The following ZNF160 variants were observed in gnomAD, a reference collection of about 807,000 sequenced individuals.
ZNF160 encodes the protein zinc finger protein 160.
ZNF160 carries 9 observed loss-of-function variants against 13.1 expected under a neutral mutation model. That is an observed-to-expected ratio of 0.69 (90% CI 0.41 to 1.20). The LOEUF is 1.20. Among genes scored for constraint, ZNF160 ranks in the 50% most tolerant of loss-of-function variants. ZNF160 has a pLI of 0.01. For missense variants in ZNF160, 838 were observed against 988.0 expected (o/e 0.85, Z 2.04); for synonymous variants, 293 against 333.2 (o/e 0.88, Z 1.31).
chr19:53,077,872 T>C (rs755481369), intron 3 of ZNF160, among the ~76,000 whole-genome samples: 1 of 151,622 alleles, frequency 6.6e-6, no homozygotes, highest in Non-Finnish European at 1.5e-5. Context: ...ACAATAAATA[T>C]GAGATTATCA....
At position 53,069,593 on chromosome 19, in the gene ZNF160, T is replaced by C. The variant is rs776411350; in HGVS notation, c.941A>G (p.Lys314Arg). The change falls in exon 6 of 6, where the codon AAA (lysine) becomes AGA (arginine). Residue 314 changes from lysine (K) to arginine (R), a missense_variant. This residue lies in a region of ZNF160 where 387 missense variants were observed against 402.3 expected (regional missense o/e 0.96). Coordinates refer to ENST00000683776, the MANE Select transcript of ZNF160 (RefSeq NM_001322131.2). This position sits in a 1 kb window ranked among gnomAD's most constrained non-coding sequence, Gnocchi z 4.4. Reference protein sequence around the residue: ...QVIHTGEKPYKCHECGKVFRH... With the variant: ...QVIHTGEKPYRCHECGKVFRH... The stretch of plus-strand genomic sequence containing the variant: ...GAAGACCTTGCCACACTCATGACAT[T>C]TGTAAGGTTTTTCTCCAGTATGGAT... 7 of 1,614,044 alleles carry C rather than the reference T, an allele frequency of 4.3e-6. No homozygotes were observed. In the East Asian group the frequency reaches 1.1e-4, roughly 26 times the overall value.
intron 2 of ZNF160, 40 bp from the exon 3 acceptor site, chr19:53,086,361 A>G: frequency 6.7e-7 from 1 of 1,503,660 alleles, no homozygotes; most frequent in Non-Finnish European, 8.9e-7. Context: ...TCAATACTGA[A>G]TATCCAAAAT....
At chr19:53,086,631 C>G (rs1477613382) in intron 2 of ZNF160, among the ~76,000 whole-genome samples, 2 of 152,112 alleles carry the variant, frequency 1.3e-5, no homozygotes, top group African/African-American at 2.4e-5. Context: ...CCAGCCCTGA[C>G]CAAACCCCAT....
chr19:53,072,799 C>T (rs2584266), intron 5 of ZNF160: 14 of 307,806 alleles, frequency 4.5e-5, no homozygotes, highest in South Asian at 2.6e-4. Flanking sequence ...TGCGGTGAGC[C>T]GAGATCGCAC....
At chr19:53,086,354 A>G in intron 2 of ZNF160, 33 bp from the exon 3 acceptor site, 1 of 1,521,658 alleles carries the variant, frequency 6.6e-7, no homozygotes, top group Non-Finnish European at 8.8e-7. Context: ...TTAGAAGTCA[A>G]TACTGAATAT....
chr19:53,081,141 C>G (rs1252220785), intron 3 of ZNF160, among the ~76,000 whole-genome samples: 1 of 152,110 alleles, frequency 6.6e-6, no homozygotes, highest in Non-Finnish European at 1.5e-5. Flanking sequence ...AGGAAATACT[C>G]TTCTAAGACT....
rs754889968 is a variant in ZNF160, at chr19:53,091,641, G to C, written c.-274C>G. Reference sequence around the variant, plus strand: ...AGCTTTGGAGGAGAGACCTACCAGCGAGGCTGAAGCCACTCAGTGGGCTGG... The same window carrying C: ...AGCTTTGGAGGAGAGACCTACCAGCCAGGCTGAAGCCACTCAGTGGGCTGG... On this transcript the variant is annotated 5_prime_UTR_variant, in exon 2 of 6. Transcript: ENST00000683776. The C allele has an allele frequency of 6.6e-6, 1 of 152,232 alleles. No individual in the cohort carries two copies. The highest frequency in any genetic ancestry group is 6.5e-5 in the Admixed American group (1 of 15,292). The allele number at this position is 152,232 out of a possible 1,614,324, so 9.4% of individuals were successfully genotyped here.
chr19:53,078,903 C>G (rs1420255261), intron 3 of ZNF160, among the ~76,000 whole-genome samples: 2 of 151,426 alleles, frequency 1.3e-5, no homozygotes, highest in Non-Finnish European at 2.9e-5. Flanking sequence ...AATTCTCAAA[C>G]AATTCCAAAT....
chr19:53,087,335 T>C (rs543329021), intron 2 of ZNF160, among the ~76,000 whole-genome samples: 1 of 152,240 alleles, frequency 6.6e-6, no homozygotes, highest in East Asian at 1.9e-4. Flanking sequence ...AAAAAATTTA[T>C]GAAACCATGT....
chr19:53,069,792 G>A lies in ZNF160; in HGVS notation c.742C>T (p.Arg248Ter), dbSNP rs1568474768. ...LNHFSLLTQR[R>*]KANSCGKPYK... ...GGTTTTCCACAACTGTTTGCTTTTC[G>A]TCTTTGTGTGAGTAATGAAAAATGG... The change falls in exon 6 of 6, where the codon CGA becomes TGA. Residue 248 changes from arginine (R) to a stop codon, truncating the protein, a stop_gained. Coordinates refer to ENST00000683776, the MANE Select transcript of ZNF160 (RefSeq NM_001322131.2). LOFTEE classifies it low-confidence loss of function (END_TRUNC). The surrounding 1 kb of genome is among the most constrained non-coding windows in gnomAD (Gnocchi z 4.4). 4.3e-6 allele frequency: 7 copies of A among 1,613,978 alleles called. No individual in the cohort carries two copies. The highest frequency in any genetic ancestry group is 1.1e-5 in the South Asian group (1 of 91,074).
In ZNF160 at chr19:53,067,266, T is replaced by C. The variant is rs1024260634; in HGVS notation, c.*811A>G. ...TGTCCTAAGGTCTTGGCCTGCTCCA[T>C]TTCATGTTCAGTTGATAGACCATTT... On this transcript the variant is annotated 3_prime_UTR_variant, in exon 6 of 6. Transcript: ENST00000683776. 4.6e-5 allele frequency: 7 copies of C among 152,206 alleles called. No homozygotes were observed. Among genetic ancestry groups the C allele is most frequent in the African/African-American group, 1.7e-4 (7 of 41,454 alleles). The allele number at this position is 152,206 out of a possible 1,614,324, so 9.4% of individuals were successfully genotyped here.
At chr19:53,075,025 G>A (rs201517584) in intron 4 of ZNF160, 32 bp downstream of exon 4, 2 of 1,613,610 alleles carry the variant, frequency 1.2e-6, no homozygotes, top group East Asian at 4.5e-5. Context: ...GACAAGAACA[G>A]ATCTTGACTT....
chr19:53,076,696 C>G (rs1043492199), intron 3 of ZNF160, among the ~76,000 whole-genome samples: 1 of 152,022 alleles, frequency 6.6e-6, no homozygotes, highest in African/African-American at 2.4e-5. Flanking sequence ...GTAGGAAGTC[C>G]CAAGCACTAC....
intron 1 of ZNF160, among the ~76,000 whole-genome samples, chr19:53,099,813 A>G (rs1056785505): frequency 1.3e-5 from 2 of 152,172 alleles, no homozygotes; most frequent in African/African-American, 4.8e-5. Context: ...TTCACGTTGC[A>G]GGTGGATTTA....
intron 3 of ZNF160, among the ~76,000 whole-genome samples, chr19:53,080,900 C>A (rs1442185791): frequency 6.6e-5 from 10 of 151,988 alleles, no homozygotes; most frequent in South Asian, 2.1e-4. Flanking sequence ...AGAACAGAGA[C>A]CCCTAAAATA....
chr19:53,089,579 C>T (rs1169020990), intron 2 of ZNF160, among the ~76,000 whole-genome samples: 1 of 152,098 alleles, frequency 6.6e-6, no homozygotes, highest in Non-Finnish European at 1.5e-5. Context: ...ACCTCTGATG[C>T]CATAATTATA....
chr19:53,069,644 C>T lies in ZNF160; in HGVS notation c.890G>A (p.Arg297His), dbSNP rs145414197. 1.7e-5 allele frequency: 28 copies of T among 1,613,700 alleles called. No homozygotes were observed. Among genetic ancestry groups the T allele is most frequent in the Admixed American group, 6.7e-5 (4 of 59,994 alleles). The change falls in exon 6 of 6, where the codon CGT (arginine) becomes CAT (histidine). Residue 297 changes from arginine (R) to histidine (H), a missense_variant. By Grantham distance (29) the Arg-to-His change is conservative (BLOSUM62 0). Coordinates refer to ENST00000683776, the MANE Select transcript of ZNF160 (RefSeq NM_001322131.2). This position sits in a 1 kb window ranked among gnomAD's most constrained non-coding sequence, Gnocchi z 4.4. ...GACCTGATGAATAGTTAGATTTGAA[C>T]GAACAGTAAAGGTTTTGCCGCACTC... ...CSECGKTFTV[R>H]SNLTIHQVIH...
chr19:53,100,274 T>C (rs1349791503), intron 1 of ZNF160, among the ~76,000 whole-genome samples: 1 of 152,128 alleles, frequency 6.6e-6, no homozygotes, highest in Non-Finnish European at 1.5e-5. Context: ...AGTTCACAGG[T>C]CACTATTTTA....
chr19:53,075,485 C>G (rs2084352687), intron 3 of ZNF160: 1 of 363,586 alleles, frequency 2.8e-6, no homozygotes, highest in African/African-American at 2.1e-5. Context: ...GGTGGGTGGT[C>G]ACTGGAAAGG....
Sources: gnomAD v4.1 joint callset for allele counts (sites outside exome capture counted in the v4.1 genomes callset) on GRCh38, gnomAD v4.1.1 for gene constraint, gnomAD v4.1.1 regional missense constraint, Gnocchi (gnomAD v3.1) non-coding constraint, MANE v1.5 for transcripts, NCBI Gene and HGNC (gene_info 2026-07-23, HGNC 2026-07-21) for gene names.